The following CPEB4 variants were observed in gnomAD, a reference collection of about 807,000 sequenced individuals.
The protein encoded by CPEB4 is cytoplasmic polyadenylation element binding protein 4.
In CPEB4, 12 loss-of-function variants were observed where a neutral mutation model predicts 72.5. The observed-to-expected ratio is 0.17, with a 90% CI of 0.11 to 0.27. The LOEUF (loss-of-function observed/expected upper bound fraction) is 0.27, where lower values mean the gene tolerates loss of function less well. Among genes scored for constraint, CPEB4 ranks in the 10% least tolerant of loss-of-function variants. The pLI, the probability that CPEB4 is intolerant of heterozygous loss-of-function variation, is 1.00. For synonymous variants in CPEB4, 302 were observed against 326.3 expected (o/e 0.93, Z 0.80); for missense variants, 614 against 908.5 (o/e 0.68, Z 4.17).
chr5:173,952,596 A>G (rs550472666), intron 8 of CPEB4, among the ~76,000 whole-genome samples: 13 of 152,224 alleles, frequency 8.5e-5, no homozygotes, highest in Non-Finnish European at 1.8e-4. Flanking sequence ...TTTTTAAATG[A>G]AAAATTGGTG....
intron 9 of CPEB4, among the ~76,000 whole-genome samples, chr5:173,954,422 G>C (rs1443172329): frequency 6.6e-6 from 1 of 152,150 alleles, no homozygotes; most frequent in Non-Finnish European, 1.5e-5. Context: ...ACCCAGGCTG[G>C]AGTGCAGTGG....
intron 1 of CPEB4, among the ~76,000 whole-genome samples, chr5:173,896,311 T>C (rs904345371): frequency 6.6e-5 from 10 of 152,370 alleles, no homozygotes; most frequent in Non-Finnish European, 2.9e-5. Context: ...TTGTTCAAAG[T>C]TGCCTTGCAG....
intron 5 of CPEB4, among the ~76,000 whole-genome samples, chr5:173,947,909 G>A (rs146363689): frequency 3.3e-5 from 5 of 152,256 alleles, no homozygotes; most frequent in Non-Finnish European, 5.9e-5. Flanking sequence ...CGAGCCCGGA[G>A]TATCTTCGTA....
intron 5 of CPEB4, among the ~76,000 whole-genome samples, chr5:173,947,664 G>T (rs993691536): frequency 6.6e-6 from 1 of 152,134 alleles, no homozygotes; most frequent in Non-Finnish European, 1.5e-5. Flanking sequence ...GAACTCATTA[G>T]TTTTTGTAAG....
At chr5:173,902,671 G>T (rs528473969) in intron 1 of CPEB4, among the ~76,000 whole-genome samples, 2 of 152,310 alleles carry the variant, frequency 1.3e-5, no homozygotes, top group African/African-American at 4.8e-5. Context: ...TTTTAAACAA[G>T]AGTGAAATAT....
At chr5:173,933,741 T>A (rs1011791366) in intron 3 of CPEB4, among the ~76,000 whole-genome samples, 10 of 152,196 alleles carry the variant, frequency 6.6e-5, no homozygotes, top group African/African-American at 2.4e-4. Context: ...AGATTGGGGA[T>A]ATTACTGTGT....
At chr5:173,941,394 C>T (rs976954579) in intron 3 of CPEB4, among the ~76,000 whole-genome samples, 1 of 152,146 alleles carries the variant, frequency 6.6e-6, no homozygotes, top group Non-Finnish European at 1.5e-5. Context: ...TCCATTTGCT[C>T]AAATACTTTG....
chr5:173,911,196 G>A (rs528497159), intron 2 of CPEB4, among the ~76,000 whole-genome samples: 1 of 151,842 alleles, frequency 6.6e-6, no homozygotes, highest in South Asian at 2.1e-4. Flanking sequence ...TTATAAAGAC[G>A]TAGAATTACC....
intron 3 of CPEB4, among the ~76,000 whole-genome samples, chr5:173,937,823 G>T (rs919358811): frequency 6.6e-6 from 1 of 152,130 alleles, no homozygotes; most frequent in African/African-American, 2.4e-5. Flanking sequence ...TCTAAGGTAG[G>T]CCTTACAAAT....
rs900321870 is a variant in CPEB4 at position 173,961,863 on chromosome 5, C to T, written c.*5726C>T. 6 of 150,946 alleles carry T rather than the reference C, an allele frequency of 4.0e-5. No individual in the cohort carries two copies. The highest frequency in any genetic ancestry group is 8.8e-5 in the Non-Finnish European group (6 of 67,802). The allele number at this position is 150,946 out of a possible 1,614,324, so 9.4% of individuals were successfully genotyped here. On this transcript the variant is annotated 3_prime_UTR_variant, in exon 10 of 10. Coordinates refer to ENST00000265085, the MANE Select transcript of CPEB4 (RefSeq NM_030627.4). ...ATTATTTTCTGAAATGTGTAATAAC[C>T]GAATAATAAACAAGACAAAACTCTA...
intron 1 of CPEB4, among the ~76,000 whole-genome samples, chr5:173,903,518 C>T (rs1415240670): frequency 1.2e-4 from 19 of 152,142 alleles, no homozygotes; most frequent in Admixed American, 5.9e-4. Flanking sequence ...TTCTTGGACA[C>T]GACCCATGCT....
chr5:173,920,039 T>G (rs1757017520), intron 2 of CPEB4, among the ~76,000 whole-genome samples: 2 of 152,248 alleles, frequency 1.3e-5, no homozygotes, highest in Admixed American at 1.3e-4. Flanking sequence ...AGGTTTAAAC[T>G]AGTCACTACT....
chr5:173,932,376 C>A, intron 2 of CPEB4, 74 bp from the exon 3 acceptor site: 1 of 1,127,648 alleles, frequency 8.9e-7, no homozygotes, highest in South Asian at 1.4e-5. Context: ...CAAGTCAATT[C>A]AGCTCTGTTA....
In CPEB4 at chr5:173,932,483, G is replaced by A; in HGVS notation, c.1241G>A (p.Ser414Asn). 6.2e-7 allele frequency: 1 copy of A among 1,612,430 alleles called. No homozygotes were observed. Residue 414 changes from serine (S) to asparagine (N), a missense_variant, in exon 3 of 10, where the codon AGC becomes AAC. Physicochemically the swap from Ser to Asn is conservative, Grantham distance 46 (BLOSUM62 1). This residue lies in a region of CPEB4 where 458 missense variants were observed against 548.6 expected (regional missense o/e 0.83). Transcript: ENST00000265085. ...RLNYSYPGSD[S>N]SLLINARTYG... ...AACTATTCATATCCAGGATCCGATA[G>A]CTCTCTGCTTATTAATGGTAAGTGA...
intron 2 of CPEB4, among the ~76,000 whole-genome samples, chr5:173,916,519 G>A (rs1423480722): frequency 1.3e-5 from 2 of 152,126 alleles, no homozygotes; most frequent in Non-Finnish European, 2.9e-5. Flanking sequence ...AAGAGCTATG[G>A]ATCTACTCCA....
At chr5:173,922,759 C>A (rs1307547396) in intron 2 of CPEB4, among the ~76,000 whole-genome samples, 3 of 152,164 alleles carry the variant, frequency 2.0e-5, no homozygotes. Flanking sequence ...GATACACTTC[C>A]TTCGCTTCCC....
intron 3 of CPEB4, among the ~76,000 whole-genome samples, chr5:173,933,326 T>C (rs1757509235): frequency 6.6e-6 from 1 of 152,222 alleles, no homozygotes; most frequent in Admixed American, 6.5e-5. Flanking sequence ...TAAAAATTCT[T>C]CCACTCCTTG....
rs568212302 is a variant in CPEB4, at chr5:173,900,583, C to G, written c.1125+9725C>G. ...CCTGCTTTCCTTGAACTAATGACTT[C>G]TTGCCCTGAATAGTTTATTAGGGAG... On this transcript the variant is annotated intron_variant, in intron 1 of 9. Transcript: ENST00000265085. The surrounding 1 kb of genome is among the most constrained non-coding windows in gnomAD (Gnocchi z 4.4). Among the ~76,000 whole-genome samples the G allele has an allele frequency of 7.5e-4, 114 of 152,272 alleles. No homozygotes were observed. Among genetic ancestry groups the G allele is most frequent in the African/African-American group, 2.5e-3 (104 of 41,564 alleles).
chr5:173,949,908 A>G (rs1287856018), intron 6 of CPEB4, 52 bp from the exon 7 acceptor site: 1 of 1,258,768 alleles, frequency 7.9e-7, no homozygotes, highest in African/African-American at 1.5e-5. Flanking sequence ...TCCCCTGAAG[A>G]ATTACCAAAA....
Sources: allele counts gnomAD v4.1 joint callset (sites outside exome capture counted in the v4.1 genomes callset), GRCh38; gene constraint gnomAD v4.1.1; regional missense constraint gnomAD v4.1.1; non-coding constraint Gnocchi (gnomAD v3.1); transcripts MANE v1.5; gene names NCBI Gene and HGNC (gene_info 2026-07-23, HGNC 2026-07-21).